Variants in CLVS1 observed in about 807,000 individuals in gnomAD.
The protein encoded by CLVS1 is clavesin 1, also known as clavesin-1.
Under a neutral mutation model 33.1 loss-of-function variants are expected in CLVS1, and 10 were observed. The observed-to-expected ratio is 0.30, with a 90% confidence interval of 0.19 to 0.51. CLVS1 has a LOEUF of 0.51. Ranked by LOEUF, CLVS1 falls within the 20% of genes least tolerant of loss-of-function variation. CLVS1 has a pLI of 0.97. For missense variants in CLVS1, 343 were observed against 433.4 expected (o/e 0.79, Z 1.85); for synonymous variants, 163 against 166.1 (o/e 0.98, Z 0.14).
At chr8:61,454,072 T>C in intron 3 of CLVS1, 69 bp from the exon 4 acceptor site, 2 of 1,063,512 alleles carry the variant, frequency 1.9e-6, no homozygotes, top group Non-Finnish European at 2.9e-6. Flanking sequence ...TTTGGGGCAT[T>C]GGTCCTGCTG....
intron 3 of CLVS1, among the ~76,000 whole-genome samples, chr8:61,417,306 A>G (rs1815475647): frequency 6.6e-6 from 1 of 152,204 alleles, no homozygotes; most frequent in Non-Finnish European, 1.5e-5. Context: ...TAAATACAAC[A>G]CTGTATTTAA....
At chr8:60,978,469 G>A in the CLVS1 span, among the ~76,000 whole-genome samples, 1 of 152,158 alleles carries the variant, frequency 6.6e-6, no homozygotes, top group Admixed American at 6.5e-5. Flanking sequence ...GTTGAAACTA[G>A]GTTGTAATAA....
At chr8:61,202,067 G>A (rs149364119) in intron 2 of CLVS1, among the ~76,000 whole-genome samples, 1 of 152,182 alleles carries the variant, frequency 6.6e-6, no homozygotes, top group Admixed American at 6.5e-5. Context: ...AAGGAAGGAG[G>A]AAGTAACTTG....
chr8:61,278,558 G>C (rs558647206), intron 2 of CLVS1, among the ~76,000 whole-genome samples: 3 of 152,310 alleles, frequency 2.0e-5, no homozygotes, highest in South Asian at 4.1e-4. Context: ...AACTTTCCAA[G>C]ATCTCTGCTA....
At chr8:61,147,964 G>A (rs1327460080) in intron 2 of CLVS1, among the ~76,000 whole-genome samples, 2 of 152,220 alleles carry the variant, frequency 1.3e-5, no homozygotes, top group African/African-American at 4.8e-5. Flanking sequence ...AATCAAAACC[G>A]TGTATTCTGA....
intron 1 of CLVS1, among the ~76,000 whole-genome samples, chr8:61,079,464 G>A (rs536028932): frequency 6.6e-6 from 1 of 152,192 alleles, no homozygotes; most frequent in Non-Finnish European, 1.5e-5. Context: ...GTGTGAGTTG[G>A]CTTAGGTGAA....
At chr8:61,257,400 C>A (rs1270224376) in intron 2 of CLVS1, among the ~76,000 whole-genome samples, 2 of 152,184 alleles carry the variant, frequency 1.3e-5, no homozygotes, top group African/African-American at 4.8e-5. Flanking sequence ...TATGTTTTAA[C>A]TCAAGACCAG....
At chr8:61,306,067 C>T (rs1810615242) in intron 2 of CLVS1, among the ~76,000 whole-genome samples, 1 of 152,156 alleles carries the variant, frequency 6.6e-6, no homozygotes, top group African/African-American at 2.4e-5. Flanking sequence ...AATAGGATTA[C>T]TGGGTCAAGT....
At chr8:61,107,538 C>T (rs1585614933) in intron 1 of CLVS1, among the ~76,000 whole-genome samples, 1 of 152,154 alleles carries the variant, frequency 6.6e-6, no homozygotes, top group African/African-American at 2.4e-5. Flanking sequence ...GGGTGGAGCC[C>T]CCATGACCTA....
At chr8:61,485,191 C>G (rs1357704395) in intron 5 of CLVS1, among the ~76,000 whole-genome samples, 1 of 152,148 alleles carries the variant, frequency 6.6e-6, no homozygotes, top group Non-Finnish European at 1.5e-5. Context: ...TCGCAACCTA[C>G]TCATCTGACA....
chr8:61,268,850 T>A (rs1189932871), intron 2 of CLVS1, among the ~76,000 whole-genome samples: 1 of 64,784 alleles, frequency 1.5e-5, no homozygotes. Flanking sequence ...CTTCACCCAC[T>A]TTTTGATGGG....
chr8:61,150,770 C>A (rs1327718544), intron 2 of CLVS1, among the ~76,000 whole-genome samples: 1 of 152,224 alleles, frequency 6.6e-6, no homozygotes, highest in Non-Finnish European at 1.5e-5. Flanking sequence ...GTGGCTCGAA[C>A]TGGCCCAGTG....
chr8:61,038,718 C>A, the CLVS1 span, among the ~76,000 whole-genome samples: 6 of 152,234 alleles, frequency 3.9e-5, no homozygotes, highest in East Asian at 1.2e-3. Flanking sequence ...TCATTGTGAA[C>A]GTGCATGTGT....
At chr8:61,126,692 C>T (rs1014145813) in intron 1 of CLVS1, among the ~76,000 whole-genome samples, 1 of 152,188 alleles carries the variant, frequency 6.6e-6, no homozygotes, top group African/African-American at 2.4e-5. Context: ...GAAAATTTCT[C>T]TTCTTTGCAC....
intron 2 of CLVS1, among the ~76,000 whole-genome samples, chr8:61,342,852 T>TA (rs1265191692): frequency 6.6e-6 from 1 of 152,206 alleles, no homozygotes; most frequent in Non-Finnish European, 1.5e-5. Context: ...TAATGTGTTA[T>TA]AATTTAACTT....
intron 2 of CLVS1, among the ~76,000 whole-genome samples, chr8:61,154,836 T>C (rs1806617904): frequency 6.6e-6 from 1 of 152,238 alleles, no homozygotes; most frequent in Non-Finnish European, 1.5e-5. Flanking sequence ...ATCTTAGCTA[T>C]TGTTATTGAT....
At chr8:61,258,638 C>A (rs1393510619) in intron 2 of CLVS1, among the ~76,000 whole-genome samples, 1 of 152,182 alleles carries the variant, frequency 6.6e-6, no homozygotes, top group East Asian at 1.9e-4. Flanking sequence ...TTATTGCTCT[C>A]TTTACCCAGG....
rs1401101127 is a variant in CLVS1, at chr8:61,181,902, T to C, written c.-152+50042T>C. 2.0e-5 allele frequency among the ~76,000 whole-genome samples: 3 copies of C among 151,842 alleles called. No individual in the cohort carries two copies. In the East Asian group the frequency reaches 5.8e-4, roughly 29 times the overall value. On this transcript the variant is annotated intron_variant, in intron 2 of 2. Coordinates refer to the CLVS1 transcript ENST00000522621. The stretch of plus-strand genomic sequence containing the variant: ...TTTTTTAGTAGAGATGGGGTTTCAC[T>C]GTGTTAGCCAGGATGGTCTCGATCT...
chr8:61,243,978 G>A (rs80108493), intron 2 of CLVS1, among the ~76,000 whole-genome samples: 3 of 151,864 alleles, frequency 2.0e-5, no homozygotes, highest in South Asian at 2.1e-4. Flanking sequence ...CCATATTTTC[G>A]AATTCACCAA....
Sources: allele counts gnomAD v4.1 joint callset (sites outside exome capture counted in the v4.1 genomes callset), GRCh38; gene constraint gnomAD v4.1.1; transcripts MANE v1.5; gene names NCBI Gene and HGNC (gene_info 2026-07-23, HGNC 2026-07-21).